The following ITGA3 variants were observed in gnomAD, a reference collection of about 807,000 sequenced individuals.
ITGA3 encodes integrin alpha-3.
A neutral mutation model predicts 131.1 loss-of-function variants in ITGA3; 70 were observed. That is an observed-to-expected ratio of 0.53 (90% CI 0.44 to 0.65). The LOEUF (loss-of-function observed/expected upper bound fraction) is 0.65. Among genes scored for constraint, ITGA3 ranks in the 30% least tolerant of loss-of-function variants. ITGA3 has a pLI of 0.00. For missense variants in ITGA3, 1,098 were observed against 1,388.6 expected (o/e 0.79, Z 3.33); for synonymous variants, 537 against 571.6 (o/e 0.94, Z 0.86).
Position 50,075,543 on chromosome 17 carries a change from A to T in ITGA3, c.1537+17A>T, listed in dbSNP as rs772601635. Reference sequence around the variant, plus strand: ...GAAACATCAGTGAGTGCTGGGGTGCAGCGTAAAAGGGGTACGCTCCCCTGT... The same window carrying T: ...GAAACATCAGTGAGTGCTGGGGTGCTGCGTAAAAGGGGTACGCTCCCCTGT... On this transcript the variant is annotated intron_variant, in intron 11 of 25. Transcript: ENST00000320031. 36 of 1,614,098 alleles carry T rather than the reference A, an allele frequency of 2.2e-5. No homozygotes were observed. The highest frequency in any genetic ancestry group is 5.0e-5 in the Admixed American group (3 of 60,010).
intron 24 of ITGA3, 119 bp from the exon 25 acceptor site, chr17:50,088,106 C>A: frequency 7.3e-7 from 1 of 1,362,090 alleles, no homozygotes; most frequent in Non-Finnish European, 9.8e-7. Context: ...CACCACCAAG[C>A]TGGGACTGAG....
intron 23 of ITGA3, among the ~76,000 whole-genome samples, chr17:50,084,768 G>A (rs1260882532): frequency 2.6e-5 from 4 of 152,072 alleles, no homozygotes. Flanking sequence ...AAAAAATCAA[G>A]AAATTATCTG....
Position 50,071,305 on chromosome 17 carries a change from T to C in ITGA3, c.752-6T>C, listed in dbSNP as rs1460400035. 1 of 1,613,240 alleles carries C rather than the reference T, an allele frequency of 6.2e-7. No homozygotes were observed. Among genetic ancestry groups the C allele is most frequent in the East Asian group, 2.2e-5 (1 of 44,894 alleles). ...ACCTTGGTTGAACATCTTCCCTCTA[T>C]CCCAGGGTACACGATGCAGGTAGGC... On this transcript the variant is annotated splice_region_variant and splice_polypyrimidine_tract_variant and intron_variant, in intron 5 of 25. Coordinates refer to ENST00000320031, the MANE Select transcript of ITGA3 (RefSeq NM_002204.4).
intron 1 of ITGA3, among the ~76,000 whole-genome samples, chr17:50,058,758 G>A (rs890634251): frequency 6.6e-6 from 1 of 152,246 alleles, no homozygotes; most frequent in Non-Finnish European, 1.5e-5. Flanking sequence ...AGCCAGCTGT[G>A]TAGCCAGATG....
intron 1 of ITGA3, among the ~76,000 whole-genome samples, chr17:50,059,556 T>G (rs1357543845): frequency 6.6e-6 from 1 of 152,078 alleles, no homozygotes; most frequent in Non-Finnish European, 1.5e-5. Flanking sequence ...CCAGCAGAAA[T>G]GGGCACAGCA....
At chr17:50,067,846 T>C (rs1238876397) in intron 3 of ITGA3, among the ~76,000 whole-genome samples, 4 of 152,328 alleles carry the variant, frequency 2.6e-5, no homozygotes, top group African/African-American at 7.2e-5. Context: ...ATCCACACTT[T>C]ACAGCTTTCC....
At chr17:50,074,030 C>T (rs1378126898) in intron 8 of ITGA3, 26 bp downstream of exon 8, 3 of 1,577,008 alleles carry the variant, frequency 1.9e-6, no homozygotes, top group Admixed American at 1.7e-5. Flanking sequence ...GATGGGTCTG[C>T]TGCCCCCACC....
rs1473062988 is a variant in ITGA3 at position 50,089,272 on chromosome 17, C to T, written c.*194C>T. 2 of 1,611,056 alleles carry T rather than the reference C, an allele frequency of 1.2e-6. No homozygotes were observed. The highest frequency in any genetic ancestry group is 1.7e-6 in the Non-Finnish European group (2 of 1,178,512). Reference sequence around the variant, plus strand: ...TCGGGACCAATACTACTGACGTCCTCCCTGATCCCACCCCCTCCTCCCCCA... The same window carrying T: ...TCGGGACCAATACTACTGACGTCCTTCCTGATCCCACCCCCTCCTCCCCCA... On this transcript the variant is annotated 3_prime_UTR_variant, in exon 26 of 26. Coordinates refer to ENST00000320031, the MANE Select transcript of ITGA3 (RefSeq NM_002204.4).
chr17:50,076,547 G>GC (rs780751548), intron 13 of ITGA3, 37 bp from the exon 14 acceptor site: 1 of 1,605,314 alleles, frequency 6.2e-7, no homozygotes, highest in Non-Finnish European at 8.5e-7. Context: ...GCACTGGGGG[G>GC]GGTGGTGCGG....
intron 1 of ITGA3, among the ~76,000 whole-genome samples, chr17:50,062,791 G>T (rs1908153670): frequency 6.6e-6 from 1 of 152,264 alleles, no homozygotes; most frequent in South Asian, 2.1e-4. Context: ...GAGGCCCAGA[G>T]CCCAAGTTCT....
At chr17:50,083,259 T>C (rs1410882366) in intron 23 of ITGA3, among the ~76,000 whole-genome samples, 3 of 152,180 alleles carry the variant, frequency 2.0e-5, no homozygotes, top group Non-Finnish European at 4.4e-5. Flanking sequence ...AGATTAACTA[T>C]CTACATGTAG....
intron 23 of ITGA3, among the ~76,000 whole-genome samples, chr17:50,085,412 C>A (rs1909343637): frequency 6.6e-6 from 1 of 151,872 alleles, no homozygotes; most frequent in Admixed American, 6.6e-5. Context: ...CGCCTGTAAT[C>A]CCAGCACTTT....
At chr17:50,067,360 G>A (rs1221617872) in intron 3 of ITGA3, among the ~76,000 whole-genome samples, 1 of 152,242 alleles carries the variant, frequency 6.6e-6, no homozygotes, top group East Asian at 1.9e-4. Context: ...AGTGCACCCA[G>A]AGAGGCTGCG....
In ITGA3 at chr17:50,072,189, G is replaced by A. The variant is rs373498450; in HGVS notation, c.1156+7G>A. On this transcript the variant is annotated splice_region_variant and intron_variant, in intron 7 of 25. Transcript: ENST00000320031. ...AACCAGGATGGATTTCAGGGTATGA[G>A]CCAGCACTCCTCCCCCAGCACCCCT... 2.5e-6 allele frequency: 4 copies of A among 1,609,370 alleles called. No individual in the cohort carries two copies. The highest frequency in any genetic ancestry group is 1.7e-5 in the Admixed American group (1 of 59,862).
intron 20 of ITGA3, 71 bp from the exon 21 acceptor site, chr17:50,079,364 C>G: frequency 5.8e-6 from 9 of 1,553,898 alleles, no homozygotes; most frequent in Non-Finnish European, 7.8e-6. Context: ...CTCTCCTACC[C>G]TTTCCTTTCC....
chr17:50,073,845 TG>T, intron 7 of ITGA3, 70 bp from the exon 8 acceptor site: 1 of 1,120,262 alleles, frequency 8.9e-7, no homozygotes, highest in Non-Finnish European at 1.4e-6. Flanking sequence ...CTGTATGGCC[TG>T]GAGCAAAGAG....
At chr17:50,068,923 C>G (rs553037652) in intron 4 of ITGA3, among the ~76,000 whole-genome samples, 1 of 151,996 alleles carries the variant, frequency 6.6e-6, no homozygotes, top group East Asian at 1.9e-4. Context: ...TCTCGGCTCA[C>G]TGCAAGCTCC....
intron 23 of ITGA3, among the ~76,000 whole-genome samples, chr17:50,085,675 T>G (rs1909355375): frequency 6.7e-6 from 1 of 148,272 alleles, no homozygotes; most frequent in Non-Finnish European, 1.5e-5. Flanking sequence ...AAAAAATATA[T>G]ATATTATAGA....
rs373411924 is a variant in ITGA3 at position 50,068,814 on chromosome 17, TTTTATTTATTTATTTA to T, written c.664+541_664+556del. Among the ~76,000 whole-genome samples, 144 of 118,720 alleles carry T rather than the reference TTTTATTTATTTATTTA, an allele frequency of 1.2e-3. 1 individual carries two copies. Among genetic ancestry groups the T allele is most frequent in the African/African-American group, 3.3e-3 (99 of 29,864 alleles). 77.9% of individuals were successfully genotyped at this position (118,720 alleles called of 152,430 possible). ...ACCATGCCCAGCCTCAATCAGTCTT[TTTTATTTATTTATTTA>T]TTTATTTATTTATTTATTTATTTAT... is the stretch of plus-strand genomic sequence containing the variant. On this transcript the variant is annotated intron_variant, in intron 4 of 25. Coordinates refer to ENST00000320031, the MANE Select transcript of ITGA3 (RefSeq NM_002204.4).
Sources: allele counts gnomAD v4.1 joint callset (sites outside exome capture counted in the v4.1 genomes callset), GRCh38; gene constraint gnomAD v4.1.1; transcripts MANE v1.5; gene names NCBI Gene and HGNC (gene_info 2026-07-23, HGNC 2026-07-21).